PHACTR2: variants seen among roughly 807,000 people sequenced by gnomAD.
PHACTR2 encodes the protein phosphatase and actin regulator 2, also known as chromosome 6 open reading frame 56.
Under a neutral mutation model 76.0 loss-of-function variants are expected in PHACTR2, and 30 were observed. The observed-to-expected ratio is 0.39, with a 90% CI of 0.30 to 0.54. PHACTR2 has a LOEUF of 0.54. Ranked by LOEUF, PHACTR2 falls within the 20% of genes least tolerant of loss-of-function variation. The pLI, the probability that PHACTR2 is intolerant of heterozygous loss-of-function variation, is 0.61. For synonymous variants in PHACTR2, 292 were observed against 292.5 expected (o/e 1.00, Z 0.02); for missense variants, 696 against 781.1 (o/e 0.89, Z 1.30).
intron 11 of PHACTR2, among the ~76,000 whole-genome samples, chr6:143,805,013 G>A (rs1017687815): frequency 1.8e-4 from 27 of 152,184 alleles, no homozygotes; most frequent in Admixed American, 3.3e-4. Flanking sequence ...GGGGTTTGGA[G>A]TGAAGTGACT....
chr6:143,792,738 C>T (rs1775721916), intron 11 of PHACTR2, among the ~76,000 whole-genome samples: 1 of 152,288 alleles, frequency 6.6e-6, no homozygotes, highest in Non-Finnish European at 1.5e-5. Flanking sequence ...ATTCTGGCTC[C>T]TAGTCCGCCA....
At chr6:143,657,522 A>T (rs978666061) in intron 1 of PHACTR2, among the ~76,000 whole-genome samples, 2 of 152,166 alleles carry the variant, frequency 1.3e-5, no homozygotes, top group Admixed American at 1.3e-4. Context: ...TTTGAAGGTC[A>T]TCCATTTTCT....
At chr6:143,660,959 G>T (rs562031010) in intron 1 of PHACTR2, among the ~76,000 whole-genome samples, 2 of 152,114 alleles carry the variant, frequency 1.3e-5, no homozygotes, top group African/African-American at 4.8e-5. Flanking sequence ...ATAGAAGATG[G>T]GAAGAAAAAT....
Position 143,585,624 on chromosome 6 carries a change from T to C in PHACTR2, c.217+48417T>C, listed in dbSNP as rs1011479696. On this transcript the variant is annotated intron_variant, in intron 1 of 11. Coordinates refer to the PHACTR2 transcript ENST00000367584. This position sits in a 1 kb window ranked among gnomAD's most constrained non-coding sequence, Gnocchi z 5.2. ...AACACTGTGTTCTGAAAAAGACTAA[T>C]TGGGACCAGAAAGCAAGCTCCATGA... Among the ~76,000 whole-genome samples, 3 of 152,086 alleles carry C rather than the reference T, an allele frequency of 2.0e-5. No homozygotes were observed. The highest frequency in any genetic ancestry group is 4.4e-5 in the Non-Finnish European group (3 of 68,008).
chr6:143,613,944 CG>C (rs1312582371), intron 1 of PHACTR2, among the ~76,000 whole-genome samples: 1 of 152,106 alleles, frequency 6.6e-6, no homozygotes, highest in African/African-American at 2.4e-5. Context: ...ATGCTGAGGC[CG>C]GGCGTGGTGG....
upstream of PHACTR2, among the ~76,000 whole-genome samples, chr6:143,606,106 C>T (rs1324493377): frequency 6.6e-6 from 1 of 152,124 alleles, no homozygotes; most frequent in Non-Finnish European, 1.5e-5. Flanking sequence ...TGAATCACTC[C>T]TAGCAGGATC....
intron 1 of PHACTR2, among the ~76,000 whole-genome samples, chr6:143,590,854 C>G (rs1775682119): frequency 6.6e-6 from 1 of 152,020 alleles, no homozygotes; most frequent in Non-Finnish European, 1.5e-5. Context: ...TAATTTTGCC[C>G]TGTTGTGTGG....
chr6:143,788,656 T>G, intron 10 of PHACTR2, 117 bp from the exon 11 acceptor site: 1 of 617,588 alleles, frequency 1.6e-6, no homozygotes, highest in Non-Finnish European at 2.5e-6. Context: ...TTTTTTTTTT[T>G]TGATCTGAAA....
In PHACTR2 at chr6:143,543,161, G is replaced by C. The variant is rs533878800; in HGVS notation, c.217+5954G>C. ...GCTCAGTAAATAACATGATGATGATGATGACTGTTCTTGTTTTCAGAGGAT... is the reference window on the plus strand; with the variant it reads ...GCTCAGTAAATAACATGATGATGATCATGACTGTTCTTGTTTTCAGAGGAT... On this transcript the variant is annotated intron_variant, in intron 1 of 11. Coordinates refer to the PHACTR2 transcript ENST00000367584. The surrounding 1 kb of genome is among the most constrained non-coding windows in gnomAD (Gnocchi z 4.7). Among the ~76,000 whole-genome samples, 29 of 152,222 alleles carry C rather than the reference G, an allele frequency of 1.9e-4. No homozygotes were observed. The highest frequency in any genetic ancestry group is 3.9e-4 in the Admixed American group (6 of 15,272).
In PHACTR2 at chr6:143,811,133, G is replaced by A. The variant is rs1471552918; in HGVS notation, c.1922+4000G>A. On this transcript the variant is annotated intron_variant, in intron 12 of 12. Coordinates refer to ENST00000440869, the MANE Select transcript of PHACTR2 (RefSeq NM_001100164.2). The surrounding 1 kb of genome is among the most constrained non-coding windows in gnomAD (Gnocchi z 4.1). ...GCTTTGGAGAGGTGCATTTATTTGT[G>A]TGTATGATTCAGAAAGTAAACTAAC... Among the ~76,000 whole-genome samples, 1 of 152,148 alleles carries A rather than the reference G, an allele frequency of 6.6e-6. No individual in the cohort carries two copies. Among genetic ancestry groups the A allele is most frequent in the Non-Finnish European group, 1.5e-5 (1 of 68,014 alleles).
rs79027250 is a variant in PHACTR2 at position 143,591,680 on chromosome 6, C to T, written c.217+54473C>T. Among the ~76,000 whole-genome samples the T allele has an allele frequency of 6.3e-3, 957 of 152,264 alleles. 22 individuals carry two copies. In the East Asian group the frequency reaches 0.09, roughly 14 times the overall value. Reference sequence around the variant, plus strand: ...AGGACATCTCAGAGAATTCCAGTGGCGATAGATGACGATCCCAATGCTGCA... The same window carrying T: ...AGGACATCTCAGAGAATTCCAGTGGTGATAGATGACGATCCCAATGCTGCA... On this transcript the variant is annotated intron_variant, in intron 1 of 11. Coordinates refer to the PHACTR2 transcript ENST00000367584. The surrounding 1 kb of genome is among the most constrained non-coding windows in gnomAD (Gnocchi z 6.4).
In PHACTR2 at chr6:143,827,145, T is replaced by TA. The variant is rs1188184332; in HGVS notation, c.*3462dup. The TA allele has an allele frequency of 2.0e-3, 127 of 65,032 alleles. No individual in the cohort carries two copies. The highest frequency in any genetic ancestry group is 3.4e-3 in the Non-Finnish European group (110 of 32,110). 4.0% of individuals were successfully genotyped at this position (65,032 alleles called of 1,614,324 possible). ...AATTAATTCAGGGCTGCGTTGGCAT[T>TA]AAAAAAGAAAATATATATATATATA... On this transcript the variant is annotated 3_prime_UTR_variant, in exon 13 of 13. Transcript: ENST00000440869.
chr6:143,635,828 A>G, intron 1 of PHACTR2, among the ~76,000 whole-genome samples: 1 of 152,208 alleles, frequency 6.6e-6, no homozygotes, highest in Admixed American at 6.5e-5. Context: ...TGTAAATAAG[A>G]AAGCTTTTCA....
At chr6:143,670,293 C>T (rs180922416) in intron 1 of PHACTR2, among the ~76,000 whole-genome samples, 296 of 152,240 alleles carry the variant, frequency 1.9e-3, no homozygotes, top group African/African-American at 6.5e-3. Flanking sequence ...TTCATTTCAA[C>T]CCTAGTGAAT....
In PHACTR2 at chr6:143,751,670, C is replaced by T. The variant is rs982880669; in HGVS notation, c.296-2084C>T. Among the ~76,000 whole-genome samples, 7 of 152,066 alleles carry T rather than the reference C, an allele frequency of 4.6e-5. No individual in the cohort carries two copies. ...ATCTCTGTTTTCTTTAAGCTGACAA[C>T]TACGTTTTGAGTTTTCTCTTTCCTT... On this transcript the variant is annotated intron_variant, in intron 3 of 12. Coordinates refer to ENST00000440869, the MANE Select transcript of PHACTR2 (RefSeq NM_001100164.2). This position sits in a 1 kb window ranked among gnomAD's most constrained non-coding sequence, Gnocchi z 5.7.
At chr6:143,713,711 T>C (rs1015339) in intron 2 of PHACTR2, among the ~76,000 whole-genome samples, 107,451 of 152,022 alleles carry the variant, frequency 0.71, 38,958 homozygotes, top group African/African-American at 0.88. Flanking sequence ...GTTGTTGGTC[T>C]CCAGAGACAC....
Position 143,611,828 on chromosome 6 carries a change from A to C in PHACTR2, c.13+3506A>C, listed in dbSNP as rs969995595. 4.6e-5 allele frequency among the ~76,000 whole-genome samples: 7 copies of C among 152,154 alleles called. No individual in the cohort carries two copies. The highest frequency in any genetic ancestry group is 2.6e-4 in the Admixed American group (4 of 15,276). On this transcript the variant is annotated intron_variant, in intron 1 of 11. Coordinates refer to the PHACTR2 transcript ENST00000305766. The surrounding 1 kb of genome is among the most constrained non-coding windows in gnomAD (Gnocchi z 4.4). ...GTGGCTGTCTCAGAAGTAGAACTGG[A>C]AATTTATGTGGGTGGTGCAATGGGC...
intron 2 of PHACTR2, among the ~76,000 whole-genome samples, chr6:143,723,814 T>C (rs1470554674): frequency 3.9e-5 from 6 of 152,208 alleles, no homozygotes; most frequent in Admixed American, 3.9e-4. Flanking sequence ...CTCCCTCTCC[T>C]GTGTGTTATC....
At chr6:143,582,511 A>C (rs56260812) in intron 1 of PHACTR2, among the ~76,000 whole-genome samples, 1 of 151,884 alleles carries the variant, frequency 6.6e-6, no homozygotes, top group South Asian at 2.1e-4. Context: ...TATTCCTGCA[A>C]CTTTTTTCCT....
Sources: allele counts gnomAD v4.1 joint callset (sites outside exome capture counted in the v4.1 genomes callset), GRCh38; gene constraint gnomAD v4.1.1; non-coding constraint Gnocchi (gnomAD v3.1); transcripts MANE v1.5; gene names NCBI Gene and HGNC (gene_info 2026-07-23, HGNC 2026-07-21).